Variants in REG4 observed in about 807,000 individuals in gnomAD.
REG4 encodes regenerating family member 4.
Under a neutral mutation model 22.3 loss-of-function variants are expected in REG4, and 16 were observed. That is an observed-to-expected ratio of 0.72 (90% CI 0.49 to 1.09). REG4 has a LOEUF of 1.09. Among genes scored for constraint, REG4 ranks in the 50% least tolerant of loss-of-function variants. REG4 has a pLI of 0.00. For missense variants in REG4, 214 were observed against 193.9 expected (o/e 1.10, Z -0.61); for synonymous variants, 71 against 69.2 (o/e 1.03, Z -0.13).
chr1:119,798,989 GA>G (rs1483024291), intron 4 of REG4, among the ~76,000 whole-genome samples: 1 of 152,052 alleles, frequency 6.6e-6, no homozygotes, highest in Non-Finnish European at 1.5e-5. Flanking sequence ...TTTAAAAAGA[GA>G]AAAAGCCATA....
At chr1:119,796,935 C>G (rs1042440263) in intron 5 of REG4, among the ~76,000 whole-genome samples, 1 of 152,242 alleles carries the variant, frequency 6.6e-6, no homozygotes, top group African/African-American at 2.4e-5. Flanking sequence ...AGGGAGGCAT[C>G]TGGTCTACTG....
At chr1:119,800,159 C>A (rs1386805639) in intron 3 of REG4, among the ~76,000 whole-genome samples, 1 of 152,224 alleles carries the variant, frequency 6.6e-6, no homozygotes, top group Non-Finnish European at 1.5e-5. Flanking sequence ...CAAGTCACTT[C>A]ACCTCTCTGA....
intron 2 of REG4, among the ~76,000 whole-genome samples, chr1:119,807,442 G>A (rs587751590): frequency 1.3e-5 from 2 of 152,356 alleles, no homozygotes; most frequent in Admixed American, 1.3e-4. Context: ...AGTTTAGTGA[G>A]ATCCCAGGGA....
At chr1:119,796,631 T>C (rs587649570) in intron 5 of REG4, among the ~76,000 whole-genome samples, 1 of 152,324 alleles carries the variant, frequency 6.6e-6, no homozygotes, top group East Asian at 1.9e-4. Flanking sequence ...GGATGGGCTT[T>C]TAAATTCTAC....
chr1:119,808,899 A>G (rs1280813436), intron 1 of REG4, 36 bp from the exon 2 acceptor site: 2 of 576,400 alleles, frequency 3.5e-6, no homozygotes, highest in South Asian at 4.5e-5. Context: ...GGACCCAGGA[A>G]TCTAGATGCC....
chr1:119,806,295 G>A (rs188787658), intron 2 of REG4, among the ~76,000 whole-genome samples: 21 of 152,176 alleles, frequency 1.4e-4, no homozygotes, highest in Admixed American at 7.8e-4. Flanking sequence ...GGTCCAGGCC[G>A]TTTACATATA....
At chr1:119,806,205 G>A (rs1273463188) in intron 2 of REG4, among the ~76,000 whole-genome samples, 1 of 152,150 alleles carries the variant, frequency 6.6e-6, no homozygotes, top group African/African-American at 2.4e-5. Context: ...GTGTCTCAAA[G>A]TTCTGGGATT....
At chr1:119,807,013 A>C (rs760633097) in intron 2 of REG4, among the ~76,000 whole-genome samples, 1 of 152,232 alleles carries the variant, frequency 6.6e-6, no homozygotes, top group Non-Finnish European at 1.5e-5. Flanking sequence ...ACCTGAAGCT[A>C]TTAAAACCCA....
intron 1 of REG4, chr1:119,809,092 T>C: frequency 4.7e-6 from 1 of 213,598 alleles, no homozygotes; most frequent in East Asian, 9.6e-5. Context: ...TTTCATAGTC[T>C]GCATGGAGGC....
At chr1:119,805,057 T>A (rs1255655191) in intron 2 of REG4, among the ~76,000 whole-genome samples, 1 of 152,210 alleles carries the variant, frequency 6.6e-6, no homozygotes, top group African/African-American at 2.4e-5. Flanking sequence ...CAGTTCTCTA[T>A]GATTTAAAAA....
At chr1:119,807,125 C>T (rs587615208) in intron 2 of REG4, among the ~76,000 whole-genome samples, 2 of 152,252 alleles carry the variant, frequency 1.3e-5, no homozygotes, top group Admixed American at 6.5e-5. Flanking sequence ...TGAATCAATG[C>T]CATGAATTGC....
chr1:119,798,459 C>T, intron 5 of REG4, 38 bp downstream of exon 5: 1 of 1,507,270 alleles, frequency 6.6e-7, no homozygotes. Context: ...AGAGTCTGCG[C>T]ATTGGGAAGT....
At chr1:119,800,446 G>C (rs587631243) in intron 3 of REG4, among the ~76,000 whole-genome samples, 1 of 152,120 alleles carries the variant, frequency 6.6e-6, no homozygotes, top group South Asian at 2.1e-4. Context: ...TGCTCTTTGC[G>C]GGACACCTCC....
chr1:119,800,045 C>T (rs587615901), intron 3 of REG4, among the ~76,000 whole-genome samples, 183 bp from the exon 4 acceptor site: 6 of 152,292 alleles, frequency 3.9e-5, no homozygotes, highest in African/African-American at 9.6e-5. Flanking sequence ...CTGCAGCGTT[C>T]GGTCTCAGAG....
chr1:119,805,085 A>G (rs1222017417), intron 2 of REG4, among the ~76,000 whole-genome samples: 3 of 152,210 alleles, frequency 2.0e-5, no homozygotes, highest in Non-Finnish European at 4.4e-5. Flanking sequence ...TACTGCCACC[A>G]ACCCTCCCAA....
intron 2 of REG4, among the ~76,000 whole-genome samples, chr1:119,807,490 T>C (rs1654357023): frequency 2.0e-5 from 3 of 152,256 alleles, no homozygotes; most frequent in East Asian, 1.9e-4. Flanking sequence ...AGGATATAGC[T>C]TGGGCAAATT....
chr1:119,797,336 C>T (rs1653963362), intron 5 of REG4, among the ~76,000 whole-genome samples: 1 of 152,176 alleles, frequency 6.6e-6, no homozygotes, highest in African/African-American at 2.4e-5. Context: ...GTGAAAATCC[C>T]CTCTATGGCT....
intron 3 of REG4, chr1:119,801,638 C>G (rs1055861074): frequency 5.3e-5 from 8 of 152,334 alleles, no homozygotes; most frequent in African/African-American, 1.9e-4. Context: ...GTGCTTCTCA[C>G]GTTGCCTCCA....
chr1:119,794,182 G>A lies in REG4; in HGVS notation c.*436C>T. On this transcript the variant is annotated 3_prime_UTR_variant, in exon 6 of 6. Transcript: ENST00000256585. Reference sequence around the variant, plus strand: ...CTTCCCATGGCCAAAGGAAAAACAAGCAGGAGTTGAGTGGCTGGGGTGGGG... The same window carrying A: ...CTTCCCATGGCCAAAGGAAAAACAAACAGGAGTTGAGTGGCTGGGGTGGGG... The A allele has an allele frequency of 1.9e-6, 1 of 535,558 alleles. No homozygotes were observed. The highest frequency in any genetic ancestry group is 3.8e-6 in the Non-Finnish European group (1 of 261,484). 33.2% of individuals were successfully genotyped at this position (535,558 alleles called of 1,614,324 possible). A position where few individuals can be genotyped will look rare whatever the true frequency, so the allele number is the denominator to read the frequency against.
Sources: gnomAD v4.1 joint callset for allele counts (sites outside exome capture counted in the v4.1 genomes callset) on GRCh38, gnomAD v4.1.1 for gene constraint, MANE v1.5 for transcripts, NCBI Gene and HGNC (gene_info 2026-07-23, HGNC 2026-07-21) for gene names.